The following SMCO1 variants were observed in gnomAD, a reference collection of about 807,000 sequenced individuals.
SMCO1 encodes the protein single-pass membrane protein with coiled-coil domains 1.
In SMCO1, 9 loss-of-function variants were observed where a neutral mutation model predicts 7.5. The ratio of observed to expected loss-of-function variants is 1.20; its 90% CI spans 0.72 to 2.09. The LOEUF is 2.09. SMCO1 is among the 30% of genes most tolerant of loss of function. SMCO1 has a pLI of 0.00. For synonymous variants in SMCO1, 90 were observed against 93.8 expected (o/e 0.96, Z 0.23); for missense variants, 219 against 253.1 (o/e 0.87, Z 0.91).
chr3:196,517,237 AG>A (rs1254195859), upstream of SMCO1, among the ~76,000 whole-genome samples: 1 of 151,106 alleles, frequency 6.6e-6, no homozygotes, highest in Non-Finnish European at 1.5e-5. Context: ...CCTGAGTGAT[AG>A]GAGTGTCTTT....
intron 2 of SMCO1, 152 bp from the exon 3 acceptor site, chr3:196,508,483 TCAAA>T: frequency 1.5e-6 from 1 of 684,912 alleles, no homozygotes. Flanking sequence ...AAATTCAAAT[TCAAA>T]TACTTACATT....
upstream of SMCO1, among the ~76,000 whole-genome samples, chr3:196,515,987 GGATATATATATATATATATATATATATAT>G (rs1560286037): frequency 1.2e-4 from 1 of 8,518 alleles, no homozygotes; most frequent in African/African-American, 1.1e-3. Context: ...CAAGAGGATA[GGATATATATATATATATATATATATATAT>G]ATATATATAT....
Position 196,513,627 on chromosome 3 carries a change from CAAA to C in SMCO1, c.50+1530_50+1532del, listed in dbSNP as rs63105160. Among the ~76,000 whole-genome samples the C allele has an allele frequency of 5.0e-3, 470 of 93,760 alleles. 5 individuals are homozygous for C. In the South Asian group the frequency reaches 0.11, roughly 22 times the overall value. 61.5% of individuals were successfully genotyped at this position (93,760 alleles called of 152,430 possible). A position where few individuals can be genotyped will look rare whatever the true frequency, so the allele number is the denominator to read the frequency against. On this transcript the variant is annotated intron_variant, in intron 1 of 2. Coordinates refer to ENST00000397537, the MANE Select transcript of SMCO1 (RefSeq NM_001077657.3). ...CTGGTGACAGAGTGAGACTCTGTCTCAAAAAAAAAAAAAAAAAAAAAGCCATTT... is the reference window on the plus strand; with the variant it reads ...CTGGTGACAGAGTGAGACTCTGTCTCAAAAAAAAAAAAAAAAAAGCCATTT...
upstream of SMCO1, among the ~76,000 whole-genome samples, chr3:196,519,462 T>G (rs1733451717): frequency 6.6e-6 from 1 of 152,212 alleles, no homozygotes; most frequent in Non-Finnish European, 1.5e-5. Flanking sequence ...GCCCCAACAA[T>G]TAGGAGTAAA....
intron 2 of SMCO1, among the ~76,000 whole-genome samples, chr3:196,509,216 ATT>A (rs35933912): frequency 0.032 from 3,438 of 107,974 alleles, 40 homozygotes; most frequent in African/African-American, 0.048. Flanking sequence ...CACCCGGCTA[ATT>A]TTTTTTTTTT....
At chr3:196,510,296 T>C (rs1733184534) in intron 1 of SMCO1, among the ~76,000 whole-genome samples, 1 of 152,198 alleles carries the variant, frequency 6.6e-6, no homozygotes. Context: ...GAATATTTTA[T>C]GTAAGCATTA....
At chr3:196,516,113 T>TTA (rs1042515639), upstream of SMCO1, among the ~76,000 whole-genome samples, 12 of 140,906 alleles carry the variant, frequency 8.5e-5, no homozygotes, top group African/African-American at 1.8e-4. Context: ...TTTTATATAA[T>TTA]TATATATATA....
At chr3:196,512,871 T>C (rs1313918572) in intron 1 of SMCO1, among the ~76,000 whole-genome samples, 1 of 152,172 alleles carries the variant, frequency 6.6e-6, no homozygotes, top group African/African-American at 2.4e-5. Flanking sequence ...AACTCAACTC[T>C]CCTAAGCTTA....
upstream of SMCO1, among the ~76,000 whole-genome samples, chr3:196,516,087 T>C (rs1733384922): frequency 7.1e-6 from 1 of 141,636 alleles, no homozygotes; most frequent in African/African-American, 2.5e-5. Context: ...ATATCGTATA[T>C]AAAATATATA....
rs1252155227 is a variant in SMCO1, at chr3:196,507,820, T to G, written c.*67A>C. 2.3e-6 allele frequency: 2 copies of G among 880,012 alleles called. No homozygotes were observed. Among genetic ancestry groups the G allele is most frequent in the Non-Finnish European group, 3.5e-6 (2 of 567,748 alleles). 54.5% of individuals were successfully genotyped at this position (880,012 alleles called of 1,614,324 possible). A position where few individuals can be genotyped will look rare whatever the true frequency, so the allele number is the denominator to read the frequency against. On this transcript the variant is annotated 3_prime_UTR_variant, in exon 3 of 3. Coordinates refer to ENST00000397537, the MANE Select transcript of SMCO1 (RefSeq NM_001077657.3). ...ATAAAAATAAGACTATAATAAATTG[T>G]GCATACTTTTTGCTGTTTCCAAGAT...
upstream of SMCO1, among the ~76,000 whole-genome samples, chr3:196,515,652 T>A (rs111483961): frequency 4.4e-3 from 672 of 152,172 alleles, 7 homozygotes; most frequent in African/African-American, 0.015. Context: ...GTGCCCCAGA[T>A]CTTTTATGAT....
At chr3:196,511,195 C>A (rs1733216751) in intron 1 of SMCO1, among the ~76,000 whole-genome samples, 1 of 133,454 alleles carries the variant, frequency 7.5e-6, no homozygotes, top group African/African-American at 4.0e-5. Flanking sequence ...GCCTGGGCCA[C>A]CTAGATTGTC....
At chr3:196,515,123 G>T in intron 1 of SMCO1, 37 bp downstream of exon 1, 1 of 1,608,804 alleles carries the variant, frequency 6.2e-7, no homozygotes, top group South Asian at 1.1e-5. Flanking sequence ...CAGAATAGCA[G>T]ACCCATGCTT....
At chr3:196,520,318 C>T (rs193188817), upstream of SMCO1, among the ~76,000 whole-genome samples, 1 of 152,176 alleles carries the variant, frequency 6.6e-6, no homozygotes, top group East Asian at 1.9e-4. Flanking sequence ...AAGTTTTGTA[C>T]AATGGACTCA....
chr3:196,518,537 A>T (rs1733433742), upstream of SMCO1, among the ~76,000 whole-genome samples: 1 of 151,728 alleles, frequency 6.6e-6, no homozygotes, highest in Non-Finnish European at 1.5e-5. Flanking sequence ...CTGGTCTCTA[A>T]CTCCTGACCT....
At position 196,514,983 on chromosome 3, in the gene SMCO1, G is replaced by A. The variant is rs146035612; in HGVS notation, c.50+177C>T. The A allele has an allele frequency of 2.8e-3, 1,941 of 687,034 alleles. 30 individuals carry two copies. In the African/African-American group the frequency reaches 0.032, roughly 11 times the overall value. 42.6% of individuals were successfully genotyped at this position (687,034 alleles called of 1,614,324 possible). On this transcript the variant is annotated intron_variant, in intron 1 of 2. Transcript: ENST00000397537. The stretch of plus-strand genomic sequence containing the variant: ...TCTCAATCTCTTGACCCTGTGATCC[G>A]CCCACCTCGGCCTCCCAGTGTGCTG...
At chr3:196,519,923 A>T (rs1037571994), upstream of SMCO1, among the ~76,000 whole-genome samples, 5 of 151,596 alleles carry the variant, frequency 3.3e-5, no homozygotes, top group Admixed American at 6.6e-5. Context: ...GGAACCAAGG[A>T]GGGAAAACAG....
Position 196,507,624 on chromosome 3 carries a change from T to C in SMCO1, c.*263A>G, listed in dbSNP as rs1419899347. 1 of 177,512 alleles carries C rather than the reference T, an allele frequency of 5.6e-6. No individual in the cohort carries two copies. The highest frequency in any genetic ancestry group is 2.4e-5 in the African/African-American group (1 of 42,004). The allele number at this position is 177,512 out of a possible 1,614,324, so 11.0% of individuals were successfully genotyped here. A position where few individuals can be genotyped will look rare whatever the true frequency, so the allele number is the denominator to read the frequency against. On this transcript the variant is annotated 3_prime_UTR_variant, in exon 3 of 3. Coordinates refer to ENST00000397537, the MANE Select transcript of SMCO1 (RefSeq NM_001077657.3). Reference sequence around the variant, plus strand: ...TTTATATATATATATTTGTCACCTTTTTTCCACTTAGCAATGTATATTGGA... The same window carrying C: ...TTTATATATATATATTTGTCACCTTCTTTCCACTTAGCAATGTATATTGGA...
At position 196,511,833 on chromosome 3, in the gene SMCO1, TTGTTATGAGGGAAA is replaced by T. The variant is rs1733243573; in HGVS notation, c.51-2178_51-2165del. Among the ~76,000 whole-genome samples, 2 of 136,532 alleles carry T rather than the reference TTGTTATGAGGGAAA, an allele frequency of 1.5e-5. 1 individual carries two copies. The highest frequency in any genetic ancestry group is 7.3e-5 in the African/African-American group (2 of 27,330). 89.6% of individuals were successfully genotyped at this position (136,532 alleles called of 152,430 possible). On this transcript the variant is annotated intron_variant, in intron 1 of 2. Transcript: ENST00000397537. ...AAACCTGCCTGGGCCGCCTAGATTG[TTGTTATGAGGGAAA>T]CCTGCCTGGGCTGCCTAGATTGTCT...
Sources: gnomAD v4.1 joint callset for allele counts (sites outside exome capture counted in the v4.1 genomes callset) on GRCh38, gnomAD v4.1.1 for gene constraint, MANE v1.5 for transcripts, NCBI Gene and HGNC (gene_info 2026-07-23, HGNC 2026-07-21) for gene names.